Variants in QSOX1 observed in about 807,000 individuals in gnomAD.
QSOX1 encodes the protein sulfhydryl oxidase 1.
Under a neutral mutation model 76.1 loss-of-function variants are expected in QSOX1, and 40 were observed. The observed-to-expected ratio is 0.53, with a 90% CI of 0.41 to 0.68. The LOEUF (loss-of-function observed/expected upper bound fraction) is 0.68. Ranked by LOEUF, QSOX1 falls within the 30% of genes least tolerant of loss-of-function variation. The probability of loss-of-function intolerance (pLI) is 0.00; values close to 1 mark genes in which losing one functional copy is unlikely to be tolerated. For synonymous variants in QSOX1, 392 were observed against 413.1 expected (o/e 0.95, Z 0.62); for missense variants, 931 against 974.3 (o/e 0.96, Z 0.59).
chr1:180,198,195 C>G lies in QSOX1; in HGVS notation c.*1158C>G, dbSNP rs1663553329. ...CCATAGAACTGTCTGCACCCAAACC[C>G]CATGGCCTTTTCATGCACGGAGACA... is the stretch of plus-strand genomic sequence containing the variant. On this transcript the variant is annotated 3_prime_UTR_variant, in exon 12 of 12. Coordinates refer to ENST00000367602, the MANE Select transcript of QSOX1 (RefSeq NM_002826.5). 1 of 456,554 alleles carries G rather than the reference C, an allele frequency of 2.2e-6. No individual in the cohort carries two copies. Among genetic ancestry groups the G allele is most frequent in the Admixed American group, 2.3e-5 (1 of 42,566 alleles). The allele number at this position is 456,554 out of a possible 1,614,324, so 28.3% of individuals were successfully genotyped here. A position where few individuals can be genotyped will look rare whatever the true frequency, so the allele number is the denominator to read the frequency against.
intron 6 of QSOX1, among the ~76,000 whole-genome samples, chr1:180,183,543 G>C (rs1163997915): frequency 2.0e-5 from 3 of 152,164 alleles, no homozygotes; most frequent in African/African-American, 7.2e-5. Context: ...TTGAATCTCG[G>C]GGTCCTTGGG....
intron 5 of QSOX1, among the ~76,000 whole-genome samples, chr1:180,179,912 G>T (rs1040899730): frequency 6.6e-6 from 1 of 152,216 alleles, no homozygotes; most frequent in African/African-American, 2.4e-5. Flanking sequence ...CATGCCTGGG[G>T]TCATGCCTGT....
rs775586559 is a variant in QSOX1, at chr1:180,190,502, C to A, written c.1210C>A (p.Pro404Thr). 1 of 1,614,170 alleles carries A rather than the reference C, an allele frequency of 6.2e-7. No homozygotes were observed. Among genetic ancestry groups the A allele is most frequent in the East Asian group, 2.2e-5 (1 of 44,890 alleles). ...GAGTGAGCCGCATTTCCGGGGCTTT[C>A]CCTGCTCCCTGTGGGTCCTCTTCCA... Reference protein sequence around the residue: ...QGSEPHFRGFPCSLWVLFHFL... With the variant: ...QGSEPHFRGFTCSLWVLFHFL... The change falls in exon 10 of 12, where the codon CCC (proline) becomes ACC (threonine). Residue 404 changes from proline (P) to threonine (T), a missense_variant. Physicochemically the swap from Pro to Thr is conservative, Grantham distance 38. Transcript: ENST00000367602.
intron 6 of QSOX1, 35 bp from the exon 7 acceptor site, chr1:180,183,881 T>TA (rs753514523): frequency 6.3e-7 from 1 of 1,596,084 alleles, no homozygotes; most frequent in African/African-American, 1.3e-5. Context: ...TCTCTGCACT[T>TA]ACTGCCTCTC....
At position 180,190,494 on chromosome 1, in the gene QSOX1, G is replaced by A. The variant is rs1663281400; in HGVS notation, c.1202G>A (p.Arg401Gln). 1 of 1,614,112 alleles carries A rather than the reference G, an allele frequency of 6.2e-7. No individual in the cohort carries two copies. The highest frequency in any genetic ancestry group is 8.5e-7 in the Non-Finnish European group (1 of 1,179,960). The change falls in exon 10 of 12, where the codon CGG becomes CAG. Residue 401 changes from arginine (R) to glutamine (Q), a missense_variant. By Grantham distance (43) the Arg-to-Gln change is conservative. Transcript: ENST00000367602. ...IGCQGSEPHF[R>Q]GFPCSLWVLF... ...TGCCAGGGGAGTGAGCCGCATTTCC[G>A]GGGCTTTCCCTGCTCCCTGTGGGTC... is the stretch of plus-strand genomic sequence containing the variant.
chr1:180,169,079 A>G (rs61828293), intron 2 of QSOX1, among the ~76,000 whole-genome samples: 20,644 of 152,258 alleles, frequency 0.14, 1,530 homozygotes, highest in Middle Eastern at 0.21. Context: ...GTGAGCTTCT[A>G]CCAGCCCAGC....
intron 5 of QSOX1, among the ~76,000 whole-genome samples, chr1:180,180,094 C>T (rs1662991582): frequency 1.3e-5 from 2 of 152,374 alleles, no homozygotes; most frequent in African/African-American, 2.4e-5. Flanking sequence ...TGGAGCCACA[C>T]TAAGCTGGGA....
At chr1:180,158,954 G>A (rs75461034) in intron 1 of QSOX1, among the ~76,000 whole-genome samples, 3,893 of 152,268 alleles carry the variant, frequency 0.026, 155 homozygotes, top group African/African-American at 0.088. Flanking sequence ...TGGAGCTCAC[G>A]GTGCTGCAGC....
intron 1 of QSOX1, among the ~76,000 whole-genome samples, chr1:180,160,964 A>G (rs1005134737): frequency 3.9e-5 from 6 of 152,214 alleles, no homozygotes; most frequent in Admixed American, 1.3e-4. Flanking sequence ...GTAGATGATA[A>G]AAACTTGAAA....
intron 1 of QSOX1, among the ~76,000 whole-genome samples, chr1:180,157,254 A>G (rs1358596445): frequency 6.6e-6 from 1 of 152,234 alleles, no homozygotes; most frequent in East Asian, 1.9e-4. Flanking sequence ...GGTGTGAGTC[A>G]GTCCTTGAGC....
chr1:180,179,000 C>A, intron 5 of QSOX1, 116 bp downstream of exon 5: 5 of 901,390 alleles, frequency 5.5e-6, no homozygotes, highest in South Asian at 2.9e-5. Flanking sequence ...GTCTTTTAGC[C>A]TGGCATTGGC....
At chr1:180,158,444 A>T (rs1662418779) in intron 1 of QSOX1, among the ~76,000 whole-genome samples, 1 of 152,196 alleles carries the variant, frequency 6.6e-6, no homozygotes, top group South Asian at 2.1e-4. Flanking sequence ...GCCTCACAGG[A>T]TTCCAAATGA....
Position 180,186,100 on chromosome 1 carries a change from T to C in QSOX1, c.935T>C (p.Leu312Pro), listed in dbSNP as rs1558190839. The C allele has an allele frequency of 6.2e-7, 1 of 1,614,110 alleles. No homozygotes were observed. Among genetic ancestry groups the C allele is most frequent in the Admixed American group, 1.7e-5 (1 of 60,022 alleles). ...CTGGAATCTGCACTGCACTACATCCTGCGGATAGAAGTGGGCAGGTTCCCG... is the reference window on the plus strand; with the variant it reads ...CTGGAATCTGCACTGCACTACATCCCGCGGATAGAAGTGGGCAGGTTCCCG... ...ADLESALHYI[L>P]RIEVGRFPVL... The change falls in exon 8 of 12, where the codon CTG (leucine) becomes CCG (proline). Residue 312 changes from leucine to proline, a missense_variant. Transcript: ENST00000367602.
intron 5 of QSOX1, among the ~76,000 whole-genome samples, chr1:180,181,155 T>C (rs1663023926): frequency 6.6e-6 from 1 of 152,190 alleles, no homozygotes; most frequent in African/African-American, 2.4e-5. Flanking sequence ...AGCTAGTGCT[T>C]TCTCTTTATT....
At chr1:180,182,926 G>A (rs1190001586) in intron 6 of QSOX1, among the ~76,000 whole-genome samples, 1 of 152,170 alleles carries the variant, frequency 6.6e-6, no homozygotes, top group African/African-American at 2.4e-5. Context: ...TGTGGTGCCT[G>A]GTGAGCTGCT....
intron 2 of QSOX1, among the ~76,000 whole-genome samples, chr1:180,167,507 T>C (rs1486488305): frequency 1.3e-5 from 2 of 152,174 alleles, no homozygotes; most frequent in African/African-American, 2.4e-5. Flanking sequence ...GAGCCAGAAC[T>C]CAGCTTAATT....
Position 180,175,308 on chromosome 1 carries a change from T to C in QSOX1, c.367-13T>C. 6.2e-7 allele frequency: 1 copy of C among 1,613,964 alleles called. No homozygotes were observed. The highest frequency in any genetic ancestry group is 8.5e-7 in the Non-Finnish European group (1 of 1,179,842). On this transcript the variant is annotated splice_polypyrimidine_tract_variant and intron_variant, in intron 2 of 11. Coordinates refer to ENST00000367602, the MANE Select transcript of QSOX1 (RefSeq NM_002826.5). Reference sequence around the variant, plus strand: ...TATCTATTACTGATGCCCACCTGTGTGTTTGCTTCCAGTTCTTCAAGGCCT... The same window carrying C: ...TATCTATTACTGATGCCCACCTGTGCGTTTGCTTCCAGTTCTTCAAGGCCT...
At chr1:180,168,002 C>T (rs1204799282) in intron 2 of QSOX1, among the ~76,000 whole-genome samples, 3 of 152,198 alleles carry the variant, frequency 2.0e-5, no homozygotes. Context: ...GCATGAGCCG[C>T]AGGGGTGCAG....
intron 10 of QSOX1, 128 bp from the exon 11 acceptor site, chr1:180,194,085 T>C (rs1393723452): frequency 4.0e-6 from 3 of 743,740 alleles, no homozygotes; most frequent in Non-Finnish European, 4.3e-6. Context: ...TGGCATAGGC[T>C]GGGGTGTGTG....
Sources: allele counts gnomAD v4.1 joint callset (sites outside exome capture counted in the v4.1 genomes callset), GRCh38; gene constraint gnomAD v4.1.1; transcripts MANE v1.5; gene names NCBI Gene and HGNC (gene_info 2026-07-23, HGNC 2026-07-21).